The following TPRG1 variants were observed in gnomAD, a reference collection of about 807,000 sequenced individuals.
The protein encoded by TPRG1 is tumor protein p63 regulated 1.
Under a neutral mutation model 29.3 loss-of-function variants are expected in TPRG1, and 29 were observed. The observed-to-expected ratio is 0.99, with a 90% confidence interval of 0.74 to 1.35. TPRG1 has a LOEUF of 1.35. Among genes scored for constraint, TPRG1 ranks in the 40% most tolerant of loss-of-function variants. The probability of loss-of-function intolerance (pLI) is 0.00; values close to 1 mark genes in which losing one functional copy is unlikely to be tolerated. For synonymous variants in TPRG1, 130 were observed against 116.8 expected (o/e 1.11, Z -0.73); for missense variants, 327 against 335.0 (o/e 0.98, Z 0.19).
intron 4 of TPRG1, among the ~76,000 whole-genome samples, chr3:189,250,059 A>G (rs1008351767): frequency 1.4e-4 from 22 of 152,250 alleles, no homozygotes; most frequent in Non-Finnish European, 2.6e-4. Context: ...CTAATTTTTC[A>G]TGGAATATTA....
chr3:189,040,307 A>G (rs376117406), intron 4 of TPRG1, among the ~76,000 whole-genome samples: 2 of 152,340 alleles, frequency 1.3e-5, no homozygotes, highest in South Asian at 2.1e-4. Context: ...TTGAACTTCT[A>G]TCCCTTCTTT....
At chr3:189,193,470 A>G (rs1196849379) in intron 1 of TPRG1, among the ~76,000 whole-genome samples, 1 of 152,070 alleles carries the variant, frequency 6.6e-6, no homozygotes, top group Non-Finnish European at 1.5e-5. Flanking sequence ...AGACTTGGGA[A>G]GCTTTCAGCT....
At chr3:189,072,543 A>G (rs560429750) in intron 4 of TPRG1, among the ~76,000 whole-genome samples, 5 of 152,290 alleles carry the variant, frequency 3.3e-5, no homozygotes, top group African/African-American at 1.2e-4. Flanking sequence ...TGGGGCATAC[A>G]TCCAGAGGCA....
At chr3:189,055,836 C>T (rs535836493) in intron 4 of TPRG1, among the ~76,000 whole-genome samples, 3 of 152,222 alleles carry the variant, frequency 2.0e-5, no homozygotes, top group African/African-American at 4.8e-5. Context: ...TAGAGTACTA[C>T]ACCCATTATG....
intron 5 of TPRG1, among the ~76,000 whole-genome samples, chr3:189,312,866 A>T (rs1722927980): frequency 1.3e-5 from 2 of 152,198 alleles, no homozygotes; most frequent in African/African-American, 4.8e-5. Flanking sequence ...CAGGAAATTG[A>T]TGTTCATGTA....
intron 3 of TPRG1, among the ~76,000 whole-genome samples, chr3:189,234,196 G>A (rs986245338): frequency 6.6e-6 from 1 of 152,118 alleles, no homozygotes; most frequent in Non-Finnish European, 1.5e-5. Flanking sequence ...TATTTAAAGG[G>A]AGGAAAGATA....
intron 4 of TPRG1, among the ~76,000 whole-genome samples, chr3:189,245,809 T>A (rs1458232194): frequency 6.6e-6 from 1 of 152,150 alleles, no homozygotes; most frequent in Non-Finnish European, 1.5e-5. Context: ...CTTTTTAATT[T>A]TGTTAACTTT....
intron 5 of TPRG1, among the ~76,000 whole-genome samples, chr3:189,162,790 T>C (rs1482919722): frequency 2.6e-5 from 4 of 152,184 alleles, no homozygotes; most frequent in Non-Finnish European, 5.9e-5. Flanking sequence ...GAACCAGATC[T>C]CTCTCTGTGC....
chr3:189,202,432 C>T (rs1015554934), intron 1 of TPRG1, among the ~76,000 whole-genome samples: 1 of 152,132 alleles, frequency 6.6e-6, no homozygotes, highest in African/African-American at 2.4e-5. Context: ...ATGCCCCAAA[C>T]CTTTTTGTCT....
At chr3:189,318,932 A>G (rs933972728) in intron 5 of TPRG1, among the ~76,000 whole-genome samples, 1 of 152,196 alleles carries the variant, frequency 6.6e-6, no homozygotes, top group African/African-American at 2.4e-5. Context: ...TGCTCATAAC[A>G]GCAATGTTAT....
chr3:189,182,694 C>A (rs9840185), intron 1 of TPRG1, among the ~76,000 whole-genome samples: 73,094 of 151,756 alleles, frequency 0.48, 17,697 homozygotes, highest in South Asian at 0.55. Flanking sequence ...TATAAAAGTA[C>A]GTAAAAAGGG....
intron 4 of TPRG1, among the ~76,000 whole-genome samples, chr3:189,263,293 G>A (rs1007143595): frequency 6.6e-6 from 1 of 152,352 alleles, no homozygotes; most frequent in South Asian, 2.1e-4. Context: ...TCAGAATGAT[G>A]AGTAGGAGTT....
intron 3 of TPRG1, among the ~76,000 whole-genome samples, chr3:189,010,360 A>AATGG (rs1438016374): frequency 2.0e-5 from 3 of 152,114 alleles, no homozygotes; most frequent in Non-Finnish European, 4.4e-5. Flanking sequence ...GAATCACCAC[A>AATGG]CTATTTTCCA....
chr3:188,999,078 T>C (rs1175108002), intron 1 of TPRG1, among the ~76,000 whole-genome samples: 1 of 152,166 alleles, frequency 6.6e-6, no homozygotes, highest in Non-Finnish European at 1.5e-5. Context: ...TAAATCTCTT[T>C]GGCTATTGTG....
intron 1 of TPRG1, among the ~76,000 whole-genome samples, chr3:189,173,326 T>C (rs1729056227): frequency 6.9e-6 from 1 of 144,922 alleles, no homozygotes; most frequent in African/African-American, 2.6e-5. Flanking sequence ...ATATTCTTTT[T>C]CTTTCTTTTC....
At chr3:189,311,210 G>A (rs938281187) in intron 5 of TPRG1, among the ~76,000 whole-genome samples, 1 of 152,180 alleles carries the variant, frequency 6.6e-6, no homozygotes, top group African/African-American at 2.4e-5. Context: ...AACAGCTGGA[G>A]CTGAAAATGT....
chr3:189,022,225 T>C (rs887619475), intron 3 of TPRG1, among the ~76,000 whole-genome samples: 150 of 152,260 alleles, frequency 9.9e-4, no homozygotes, highest in African/African-American at 3.4e-3. Flanking sequence ...GTCTTCTTCT[T>C]TCAGCTCGTC....
chr3:189,137,296 ATGTG>A (rs10525363), intron 3 of TPRG1, among the ~76,000 whole-genome samples: 5,523 of 129,820 alleles, frequency 0.043, 115 homozygotes, highest in African/African-American at 0.074. Context: ...AAACCCCAAA[ATGTG>A]TGTGTGTGTG....
Position 189,207,429 on chromosome 3 carries a change from GA to G in TPRG1, c.47del (p.Lys16SerfsTer32). ...TTGAAGGATTCCAGGCTGTGTCTCT[GA>G]AGCAAGAGGGAGATGACCAACCCTC... Reference protein sequence around the residue: ...SFEGFQAVSLKQEGDDQPSET... With the variant: ...SFEGFQAVSLXQEGDDQPSET... On this transcript the variant is annotated frameshift_variant, in exon 2 of 6. Coordinates refer to ENST00000345063, the MANE Select transcript of TPRG1 (RefSeq NM_198485.4). LOFTEE classifies it high-confidence loss of function. 3.7e-6 allele frequency: 6 copies of G among 1,614,006 alleles called. No individual in the cohort carries two copies. Among genetic ancestry groups the G allele is most frequent in the Non-Finnish European group, 5.1e-6 (6 of 1,179,950 alleles).
Sources: gnomAD v4.1 joint callset for allele counts (sites outside exome capture counted in the v4.1 genomes callset) on GRCh38, gnomAD v4.1.1 for gene constraint, MANE v1.5 for transcripts, NCBI Gene and HGNC (gene_info 2026-07-23, HGNC 2026-07-21) for gene names.